The following KNTC1 variants were observed in gnomAD, a reference collection of about 807,000 sequenced individuals.
KNTC1 encodes kinetochore-associated protein 1.
Under a neutral mutation model 314.4 loss-of-function variants are expected in KNTC1, and 253 were observed. The observed-to-expected ratio is 0.80, with a 90% confidence interval of 0.73 to 0.89. KNTC1 has a LOEUF of 0.89. Ranked by LOEUF, KNTC1 falls within the 40% of genes least tolerant of loss-of-function variation. The probability of loss-of-function intolerance (pLI) is 0.00; values close to 1 mark genes in which losing one functional copy is unlikely to be tolerated. For synonymous variants in KNTC1, 901 were observed against 901.4 expected (o/e 1.00, Z 0.01); for missense variants, 2,475 against 2,572.9 (o/e 0.96, Z 0.82).
At position 122,584,437 on chromosome 12, in the gene KNTC1, C is replaced by T; in HGVS notation, c.3423C>T (p.Thr1141=). Residue 1141 remains threonine (T), a synonymous_variant, in exon 35 of 64, where the codon ACC becomes ACT. Transcript: ENST00000333479. ...MIHDLASQAA[T]ICSPDFLLDA... ...ATGATCTAGCAAGCCAAGCTGCCAC[C>T]ATTTGCAGTCCAGGTGACAATATTT... The T allele has an allele frequency of 6.2e-7, 1 of 1,607,520 alleles. No individual in the cohort carries two copies. The highest frequency in any genetic ancestry group is 2.2e-5 in the East Asian group (1 of 44,704).
At chr12:122,597,462 T>C (rs1229128979) in intron 43 of KNTC1, 1 of 375,116 alleles carries the variant, frequency 2.7e-6, no homozygotes, top group Admixed American at 3.8e-5. Flanking sequence ...TTGGCCAGGC[T>C]GGTCTCAAAC....
At chr12:122,553,584 T>C (rs772295085) in intron 16 of KNTC1, among the ~76,000 whole-genome samples, 6 of 151,668 alleles carry the variant, frequency 4.0e-5, no homozygotes, top group Non-Finnish European at 8.8e-5. Flanking sequence ...AATAGAGATG[T>C]CTAGTGGGAA....
At chr12:122,535,889 GT>G (rs1190271040) in intron 3 of KNTC1, among the ~76,000 whole-genome samples, 3,988 of 133,474 alleles carry the variant, frequency 0.03, 56 homozygotes, top group African/African-American at 0.057. Context: ...TATTATGAAA[GT>G]TTTTTTTTTT....
At position 122,618,463 on chromosome 12, in the gene KNTC1, T is replaced by C; in HGVS notation, c.6086-19T>C. 2 of 1,610,964 alleles carry C rather than the reference T, an allele frequency of 1.2e-6. No homozygotes were observed. Among genetic ancestry groups the C allele is most frequent in the South Asian group, 2.2e-5 (2 of 90,780 alleles). On this transcript the variant is annotated intron_variant, in intron 58 of 63. Transcript: ENST00000333479. ...TTGAGTGTGTGTATATCATGGTTGT[T>C]TTTTTGTTTTGTTTTCAGCCTCTTG...
intron 18 of KNTC1, among the ~76,000 whole-genome samples, chr12:122,559,166 G>A (rs1267910214): frequency 6.6e-6 from 1 of 150,496 alleles, no homozygotes; most frequent in African/African-American, 2.4e-5. Context: ...GACGAACATG[G>A]TGAAACCCCG....
At chr12:122,558,750 C>T (rs1337273076) in intron 18 of KNTC1, among the ~76,000 whole-genome samples, 1 of 151,780 alleles carries the variant, frequency 6.6e-6, no homozygotes. Flanking sequence ...GTGGTGCACT[C>T]CTGTAGTTCC....
intron 20 of KNTC1, among the ~76,000 whole-genome samples, chr12:122,564,085 C>G (rs962924925): frequency 6.6e-6 from 1 of 152,196 alleles, no homozygotes; most frequent in Non-Finnish European, 1.5e-5. Flanking sequence ...TCAAGCAATT[C>G]TTGTGCCTCA....
At position 122,597,801 on chromosome 12, in the gene KNTC1, G is replaced by C; in HGVS notation, c.4426G>C (p.Gly1476Arg). The change falls in exon 44 of 64, where the codon GGC (glycine) becomes CGC (arginine). Residue 1476 changes from glycine to arginine, a missense_variant. Physicochemically the swap from Gly to Arg is moderately radical, Grantham distance 125. Coordinates refer to ENST00000333479, the MANE Select transcript of KNTC1 (RefSeq NM_014708.6). ...AACGCTGCTCCACAACACAAATGCC[G>C]GCCAAGGCCAGGGAGATGCAAGCAT... is the stretch of plus-strand genomic sequence containing the variant. Reference protein sequence around the residue: ...IETLLHNTNAGQGQGDASMDS... With the variant: ...IETLLHNTNARQGQGDASMDS... The C allele has an allele frequency of 6.2e-7, 1 of 1,613,954 alleles. No individual in the cohort carries two copies. Among genetic ancestry groups the C allele is most frequent in the Non-Finnish European group, 8.5e-7 (1 of 1,179,880 alleles).
intron 36 of KNTC1, 101 bp downstream of exon 36, chr12:122,585,091 G>T (rs1395196900): frequency 1.5e-6 from 1 of 681,576 alleles, no homozygotes; most frequent in Non-Finnish European, 2.6e-6. Context: ...AGGCTGGAGT[G>T]CAGTGGCATG....
chr12:122,549,558 G>T (rs1381987211), intron 12 of KNTC1, among the ~76,000 whole-genome samples: 2 of 151,828 alleles, frequency 1.3e-5, no homozygotes, highest in Admixed American at 6.6e-5. Flanking sequence ...AGTAGACAGG[G>T]TTTCACTGTG....
rs143411337 is a variant in KNTC1, at chr12:122,610,379, T to C, written c.5544-443T>C. 3.9e-3 allele frequency among the ~76,000 whole-genome samples: 591 copies of C among 152,186 alleles called. 4 individuals are homozygous for C. The highest frequency in any genetic ancestry group is 8.4e-3 in the African/African-American group (348 of 41,518). ...TCCACTAAAAGCTCTGCCCCACCCCTCCTCCAGCTGGCCTGATTCATCCTC... is the reference window on the plus strand; with the variant it reads ...TCCACTAAAAGCTCTGCCCCACCCCCCCTCCAGCTGGCCTGATTCATCCTC... On this transcript the variant is annotated intron_variant, in intron 52 of 63. Transcript: ENST00000333479.
intron 20 of KNTC1, among the ~76,000 whole-genome samples, chr12:122,565,439 T>C (rs895295174): frequency 9.9e-5 from 15 of 152,042 alleles, no homozygotes; most frequent in African/African-American, 2.9e-4. Context: ...CTTTTCAAAA[T>C]TGACTTTAAA....
intron 21 of KNTC1, among the ~76,000 whole-genome samples, chr12:122,568,711 C>T (rs1265706182): frequency 2.0e-5 from 3 of 152,058 alleles, no homozygotes; most frequent in Admixed American, 2.0e-4. Context: ...TGGCACGTTC[C>T]TGTAGACCCA....
Position 122,605,024 on chromosome 12 carries a change from A to C in KNTC1, c.5323A>C (p.Ser1775Arg). The change falls in exon 50 of 64, where the codon AGT (serine) becomes CGT (arginine). Residue 1775 changes from serine (S) to arginine (R), a missense_variant. By Grantham distance (110) the Ser-to-Arg change is moderately radical. Transcript: ENST00000333479. ...VIGKPAHLIV[S>R]LYEHPSINQR... ...CGGAAAGCCAGCACATCTTATTGTC[A>C]GTCTCTACGAACATCCTAGCATCAA... 3 of 1,613,402 alleles carry C rather than the reference A, an allele frequency of 1.9e-6. No homozygotes were observed. Among genetic ancestry groups the C allele is most frequent in the Non-Finnish European group, 2.5e-6 (3 of 1,179,688 alleles).
intron 44 of KNTC1, among the ~76,000 whole-genome samples, chr12:122,599,241 C>T (rs537995515): frequency 1.3e-5 from 2 of 152,044 alleles, no homozygotes; most frequent in African/African-American, 2.4e-5. Context: ...GCTGGAACTA[C>T]AGGGACTACA....
intron 55 of KNTC1, 99 bp from the exon 56 acceptor site, chr12:122,614,892 A>T (rs1873600151): frequency 2.7e-6 from 2 of 752,616 alleles, no homozygotes; most frequent in Admixed American, 2.7e-5. Context: ...AAAAAAAAAA[A>T]AGCAGCATAT....
chr12:122,533,226 G>C (rs1031781081), intron 2 of KNTC1, among the ~76,000 whole-genome samples: 1 of 151,452 alleles, frequency 6.6e-6, no homozygotes, highest in Non-Finnish European at 1.5e-5. Flanking sequence ...GAGTGCAGTG[G>C]TGTGATCTTG....
chr12:122,544,309 G>A (rs1276852287), intron 8 of KNTC1, 40 bp downstream of exon 8: 4 of 976,952 alleles, frequency 4.1e-6, no homozygotes, highest in African/African-American at 3.4e-5. Context: ...GTTGCCTAAA[G>A]CATTTTCTCA....
At chr12:122,577,865 G>C (rs368034541) in intron 31 of KNTC1, 74 bp downstream of exon 31, 1 of 1,350,774 alleles carries the variant, frequency 7.4e-7, no homozygotes, top group Admixed American at 2.2e-5. Flanking sequence ...AGAAAAGATG[G>C]ACTTACACAT....
Sources: gnomAD v4.1 joint callset for allele counts (sites outside exome capture counted in the v4.1 genomes callset) on GRCh38, gnomAD v4.1.1 for gene constraint, MANE v1.5 for transcripts, NCBI Gene and HGNC (gene_info 2026-07-23, HGNC 2026-07-21) for gene names.